Variants in SNTG1 observed in about 807,000 individuals in gnomAD.
SNTG1 encodes the protein gamma-1-syntrophin.
A neutral mutation model predicts 74.7 loss-of-function variants in SNTG1; 39 were observed. The ratio of observed to expected loss-of-function variants is 0.52; its 90% CI spans 0.40 to 0.68. The LOEUF is 0.68. SNTG1 is among the 30% of genes least tolerant of loss of function. The pLI, the probability that SNTG1 is intolerant of heterozygous loss-of-function variation, is 0.00. For synonymous variants in SNTG1, 254 were observed against 217.1 expected, an observed-to-expected ratio of 1.17 and a Z score of -1.49; for missense variants, 685 against 609.5, an observed-to-expected ratio of 1.12 and a Z score of -1.30.
rs568558008 is a variant in SNTG1, at chr8:50,030,002, C to T, written c.-103+117771C>T. 4.6e-5 allele frequency among the ~76,000 whole-genome samples: 7 copies of T among 152,184 alleles called. 1 individual carries two copies. Among genetic ancestry groups the T allele is most frequent in the South Asian group, 4.1e-4 (2 of 4,830 alleles). On this transcript the variant is annotated intron_variant, in intron 1 of 18. Transcript: ENST00000642720. ...GGTTCCCCATTCTTGACATCCTCAC[C>T]AGCATTTTTTATTGCTTACCGTTTA...
chr8:50,302,708 T>A (rs774148677), intron 2 of SNTG1, among the ~76,000 whole-genome samples: 1 of 152,118 alleles, frequency 6.6e-6, no homozygotes, highest in Non-Finnish European at 1.5e-5. Context: ...CTGTCTTTCA[T>A]ACTCTCATAA....
intron 12 of SNTG1, among the ~76,000 whole-genome samples, chr8:50,589,267 A>C (rs975318157): frequency 4.6e-5 from 7 of 152,228 alleles, no homozygotes; most frequent in Non-Finnish European, 1.0e-4. Context: ...GGAAACTAAC[A>C]AAAACAAAAA....
chr8:50,148,757 C>T (rs1249928930), intron 1 of SNTG1, among the ~76,000 whole-genome samples: 2 of 152,146 alleles, frequency 1.3e-5, no homozygotes, highest in African/African-American at 4.8e-5. Context: ...GCATAGTATT[C>T]CATGGTCTAT....
chr8:50,547,717 TC>T (rs1164430341), intron 11 of SNTG1, among the ~76,000 whole-genome samples: 1 of 152,184 alleles, frequency 6.6e-6, no homozygotes, highest in Non-Finnish European at 1.5e-5. Context: ...GTATATGTAT[TC>T]TGGTAGGCTT....
intron 1 of SNTG1, among the ~76,000 whole-genome samples, chr8:50,135,587 CT>C (rs1278715183): frequency 6.6e-6 from 1 of 151,784 alleles, no homozygotes; most frequent in African/African-American, 2.4e-5. Flanking sequence ...TCTCCTTAAC[CT>C]TTACAAGGTC....
At chr8:50,607,428 G>A (rs2094820703) in intron 13 of SNTG1, among the ~76,000 whole-genome samples, 1 of 151,416 alleles carries the variant, frequency 6.6e-6, no homozygotes. Flanking sequence ...TTATTTTTGA[G>A]TAAGCTTTGG....
intron 4 of SNTG1, among the ~76,000 whole-genome samples, chr8:50,419,462 C>T (rs2093054504): frequency 1.3e-5 from 2 of 152,268 alleles, no homozygotes; most frequent in African/African-American, 4.8e-5. Context: ...CCCCCACAAA[C>T]TCCACCTCAC....
intron 1 of SNTG1, among the ~76,000 whole-genome samples, chr8:49,959,858 TC>T (rs1228895100): frequency 6.6e-6 from 1 of 152,246 alleles, no homozygotes; most frequent in Non-Finnish European, 1.5e-5. Context: ...CACTTGCTTA[TC>T]CATGAATGTT....
At chr8:50,721,276 T>C (rs1312485800) in intron 17 of SNTG1, among the ~76,000 whole-genome samples, 2 of 152,204 alleles carry the variant, frequency 1.3e-5, no homozygotes, top group Non-Finnish European at 2.9e-5. Flanking sequence ...TTTGTACCTG[T>C]ATTGTAAGTG....
chr8:50,174,881 T>G (rs528537608), intron 2 of SNTG1, among the ~76,000 whole-genome samples: 2 of 109,250 alleles, frequency 1.8e-5, no homozygotes, highest in Non-Finnish European at 3.5e-5. Flanking sequence ...CCCACAACAG[T>G]CCCCGGTGTG....
At chr8:50,741,532 C>T (rs1032812023) in intron 17 of SNTG1, among the ~76,000 whole-genome samples, 6 of 152,064 alleles carry the variant, frequency 3.9e-5, no homozygotes, top group African/African-American at 1.2e-4. Context: ...ATGGTATTTA[C>T]TCAAAGTATC....
chr8:50,263,798 A>G (rs1391823030), intron 2 of SNTG1, among the ~76,000 whole-genome samples: 1 of 152,198 alleles, frequency 6.6e-6, no homozygotes, highest in African/African-American at 2.4e-5. Flanking sequence ...AAAAAGCACA[A>G]TAATGCAGAA....
intron 1 of SNTG1, among the ~76,000 whole-genome samples, chr8:50,035,218 CT>C (rs1818052549): frequency 3.3e-5 from 5 of 152,208 alleles, no homozygotes. Context: ...CTGGGTGTCT[CT>C]CTTAGAGTTG....
At chr8:50,245,835 C>T (rs975824403) in intron 2 of SNTG1, among the ~76,000 whole-genome samples, 1 of 152,062 alleles carries the variant, frequency 6.6e-6, no homozygotes, top group Admixed American at 6.5e-5. Context: ...TGAGAATATT[C>T]TTGTCTTGTG....
At chr8:50,576,937 T>G (rs1249858827) in intron 12 of SNTG1, among the ~76,000 whole-genome samples, 1 of 152,176 alleles carries the variant, frequency 6.6e-6, no homozygotes, top group African/African-American at 2.4e-5. Context: ...CAATTCTTTC[T>G]TATATTTCTT....
chr8:50,378,569 T>C (rs2092428037), intron 2 of SNTG1, among the ~76,000 whole-genome samples: 1 of 152,072 alleles, frequency 6.6e-6, no homozygotes, highest in Non-Finnish European at 1.5e-5. Flanking sequence ...GCTTTATTGA[T>C]AGATAGGACA....
intron 8 of SNTG1, among the ~76,000 whole-genome samples, chr8:50,485,430 T>A (rs2093782799): frequency 6.6e-6 from 1 of 152,224 alleles, no homozygotes; most frequent in Admixed American, 6.5e-5. Context: ...TGGTTGTAAA[T>A]ATTTGTCTTC....
intron 2 of SNTG1, among the ~76,000 whole-genome samples, chr8:50,233,711 A>T (rs1469773872): frequency 3.2e-5 from 4 of 125,226 alleles, no homozygotes; most frequent in Non-Finnish European, 5.2e-5. Flanking sequence ...TTCACTTTAA[A>T]AAAACCCACT....
chr8:49,987,195 G>A (rs1400567401), intron 1 of SNTG1, among the ~76,000 whole-genome samples: 1 of 152,154 alleles, frequency 6.6e-6, no homozygotes, highest in East Asian at 1.9e-4. Context: ...TGGTGAATAT[G>A]TAGTGAAAAC....
Sources: allele counts gnomAD v4.1 joint callset (sites outside exome capture counted in the v4.1 genomes callset), GRCh38; gene constraint gnomAD v4.1.1; transcripts MANE v1.5; gene names NCBI Gene and HGNC (gene_info 2026-07-23, HGNC 2026-07-21).